SPRR2B: variants seen among roughly 807,000 people sequenced by gnomAD.
SPRR2B encodes small proline-rich protein 2B.
A neutral mutation model predicts 1.0 loss-of-function variants in SPRR2B; 1 was observed. The ratio of observed to expected loss-of-function variants is 1.01; its 90% confidence interval spans 0.36 to 4.77. The LOEUF is 4.77. Among genes scored for constraint, SPRR2B ranks in the 30% most tolerant of loss-of-function variants. The probability of loss-of-function intolerance (pLI) is 0.16; values close to 1 mark genes in which losing one functional copy is unlikely to be tolerated. For synonymous variants in SPRR2B, 27 were observed against 33.4 expected (o/e 0.81, Z 0.66); for missense variants, 53 against 88.7 (o/e 0.60, Z 1.62).
chr1:153,081,240 G>C, the SPRR2B span, among the ~76,000 whole-genome samples: 4 of 152,162 alleles, frequency 2.6e-5, no homozygotes, highest in Non-Finnish European at 5.9e-5. Context: ...TGAATTCAGT[G>C]ACACCCAGCG....
chr1:153,072,743 A>G (rs1044287430), upstream of SPRR2B, among the ~76,000 whole-genome samples: 2 of 152,122 alleles, frequency 1.3e-5, no homozygotes, highest in Non-Finnish European at 2.9e-5. Context: ...TAGATTATCA[A>G]TTCACATCCC....
At chr1:153,073,317 C>T (rs1330943377), upstream of SPRR2B, among the ~76,000 whole-genome samples, 1 of 152,210 alleles carries the variant, frequency 6.6e-6, no homozygotes, top group Non-Finnish European at 1.5e-5. Flanking sequence ...TTCCCCAGAG[C>T]CTCACATCAC....
the SPRR2B span, among the ~76,000 whole-genome samples, chr1:153,077,566 T>C: frequency 1.3e-5 from 2 of 150,974 alleles, no homozygotes; most frequent in Non-Finnish European, 3.0e-5. Context: ...ATGTAATTTG[T>C]GAACGCAAAA....
chr1:153,082,472 A>T, the SPRR2B span, among the ~76,000 whole-genome samples: 3 of 152,208 alleles, frequency 2.0e-5, no homozygotes, highest in East Asian at 5.8e-4. Flanking sequence ...GTTACAGAAC[A>T]ATTTAATATA....
At chr1:153,072,767 C>T (rs1005369231), upstream of SPRR2B, among the ~76,000 whole-genome samples, 3 of 152,218 alleles carry the variant, frequency 2.0e-5, no homozygotes, top group African/African-American at 7.2e-5. Context: ...GTATACCTCT[C>T]ATCTGTCCAT....
At chr1:153,071,210 C>T (rs1443618732) in intron 1 of SPRR2B, among the ~76,000 whole-genome samples, 1 of 130,836 alleles carries the variant, frequency 7.6e-6, no homozygotes, top group African/African-American at 2.6e-5. Context: ...TTGTAAAGTC[C>T]CAATGGCTTG....
At chr1:153,073,003 G>A (rs1208844957), upstream of SPRR2B, among the ~76,000 whole-genome samples, 1 of 152,194 alleles carries the variant, frequency 6.6e-6, no homozygotes, top group African/African-American at 2.4e-5. Context: ...GAAAAAAAGA[G>A]GAAGAGGAGT....
chr1:153,082,728 T>A, the SPRR2B span, among the ~76,000 whole-genome samples: 2 of 151,884 alleles, frequency 1.3e-5, no homozygotes, highest in Non-Finnish European at 2.9e-5. Flanking sequence ...CAGGGAAATT[T>A]ATAGCCATAA....
chr1:153,072,454 C>T (rs1284444611), upstream of SPRR2B, among the ~76,000 whole-genome samples: 2 of 152,138 alleles, frequency 1.3e-5, no homozygotes, highest in South Asian at 2.1e-4. Flanking sequence ...TGAACCATGC[C>T]TATATCTTTC....
At chr1:153,079,223 T>C in the SPRR2B span, among the ~76,000 whole-genome samples, 21 of 152,248 alleles carry the variant, frequency 1.4e-4, no homozygotes, top group African/African-American at 4.8e-4. Context: ...TGTTTTTTTT[T>C]CTTCTAAATT....
At chr1:153,079,718 G>A in the SPRR2B span, among the ~76,000 whole-genome samples, 2 of 151,946 alleles carry the variant, frequency 1.3e-5, no homozygotes, top group Non-Finnish European at 2.9e-5. Context: ...TGTTCCATTG[G>A]TCTATATCTC....
chr1:153,077,914 A>G, the SPRR2B span, among the ~76,000 whole-genome samples: 13 of 152,224 alleles, frequency 8.5e-5, no homozygotes, highest in Admixed American at 6.5e-5. Context: ...TATTATACAT[A>G]ATCCCCAATG....
the SPRR2B span, among the ~76,000 whole-genome samples, chr1:153,087,377 A>G: frequency 6.6e-6 from 1 of 152,180 alleles, no homozygotes; most frequent in Non-Finnish European, 1.5e-5. Flanking sequence ...GCAAAGCAAG[A>G]AGATTATAAG....
the SPRR2B span, among the ~76,000 whole-genome samples, chr1:153,082,458 T>C: frequency 7.7e-4 from 118 of 152,304 alleles, 1 homozygote; most frequent in African/African-American, 2.5e-3. Context: ...ACAACATCCA[T>C]TGGGTTACAG....
At chr1:153,072,929 TA>T, upstream of SPRR2B, among the ~76,000 whole-genome samples, 1 of 152,250 alleles carries the variant, frequency 6.6e-6, no homozygotes, top group African/African-American at 2.4e-5. Flanking sequence ...TCTGGGCCAA[TA>T]ATCAAGAACC....
the SPRR2B span, among the ~76,000 whole-genome samples, chr1:153,086,393 A>G: frequency 1.3e-4 from 20 of 152,238 alleles, no homozygotes; most frequent in Non-Finnish European, 2.4e-4. Context: ...TTCAGTCAAA[A>G]GAGACATTAA....
the SPRR2B span, among the ~76,000 whole-genome samples, chr1:153,078,812 T>A: frequency 6.6e-6 from 1 of 152,240 alleles, no homozygotes; most frequent in South Asian, 2.1e-4. Flanking sequence ...TGAATAGTGC[T>A]GCAATAAACA....
chr1:153,085,004 T>TA, the SPRR2B span, among the ~76,000 whole-genome samples: 1 of 152,122 alleles, frequency 6.6e-6, no homozygotes, highest in Admixed American at 6.5e-5. Context: ...TCAAATGAGA[T>TA]AAAGAAATTA....
chr1:153,082,447 G>C, the SPRR2B span, among the ~76,000 whole-genome samples: 2 of 152,128 alleles, frequency 1.3e-5, no homozygotes, highest in African/African-American at 2.4e-5. Flanking sequence ...CTCCAGGATA[G>C]ACAACATCCA....
Sources: allele counts gnomAD v4.1 joint callset (sites outside exome capture counted in the v4.1 genomes callset), GRCh38; gene constraint gnomAD v4.1.1; transcripts MANE v1.5; gene names NCBI Gene and HGNC (gene_info 2026-07-23, HGNC 2026-07-21).